GLRA1: variants seen among roughly 807,000 people sequenced by gnomAD.
GLRA1 encodes the protein glycine receptor subunit alpha-1.
Under a neutral mutation model 48.3 loss-of-function variants are expected in GLRA1, and 37 were observed. That is an observed-to-expected ratio of 0.77 (90% CI 0.59 to 1.01). GLRA1 has a LOEUF of 1.01. Ranked by LOEUF, GLRA1 falls within the 50% of genes least tolerant of loss-of-function variation. The pLI is 0.00. For synonymous variants in GLRA1, 196 were observed against 210.7 expected, an observed-to-expected ratio of 0.93 and a Z score of 0.60; for missense variants, 427 against 571.0, an observed-to-expected ratio of 0.75 and a Z score of 2.57.
chr5:151,857,064 C>G (rs971863048), intron 4 of GLRA1, among the ~76,000 whole-genome samples: 5 of 152,100 alleles, frequency 3.3e-5, no homozygotes, highest in African/African-American at 1.2e-4. Context: ...TCCAGGCTCC[C>G]AAAGGCCTTG....
chr5:151,827,032 T>C (rs1763290937), intron 8 of GLRA1, among the ~76,000 whole-genome samples: 1 of 146,634 alleles, frequency 6.8e-6, no homozygotes, highest in Non-Finnish European at 1.5e-5. Flanking sequence ...TCTTTCTGTT[T>C]TTTTTTTTTT....
intron 1 of GLRA1, among the ~76,000 whole-genome samples, chr5:151,907,271 T>C (rs1754497002): frequency 6.6e-6 from 1 of 152,210 alleles, no homozygotes; most frequent in Non-Finnish European, 1.5e-5. Flanking sequence ...AAAAATTATC[T>C]ATAATCTTTC....
intron 4 of GLRA1, among the ~76,000 whole-genome samples, chr5:151,857,875 C>CA (rs1325683214): frequency 1.3e-5 from 2 of 152,240 alleles, no homozygotes; most frequent in African/African-American, 4.8e-5. Context: ...ATCATCAAGG[C>CA]AACTCCCTCA....
intron 7 of GLRA1, among the ~76,000 whole-genome samples, chr5:151,837,694 G>C (rs554158604): frequency 6.6e-6 from 1 of 152,254 alleles, no homozygotes; most frequent in Admixed American, 6.5e-5. Flanking sequence ...ATTATTCTCG[G>C]CAAACTAACA....
intron 3 of GLRA1, 71 bp from the exon 4 acceptor site, chr5:151,860,079 G>T: frequency 8.5e-7 from 1 of 1,169,996 alleles, no homozygotes; most frequent in Non-Finnish European, 1.3e-6. Context: ...GGACCTGGGT[G>T]CTTTTGGCCA....
intron 1 of GLRA1, among the ~76,000 whole-genome samples, chr5:151,910,176 G>A (rs1754574653): frequency 6.6e-6 from 1 of 152,184 alleles, no homozygotes; most frequent in South Asian, 2.1e-4. Context: ...AATCAAGACG[G>A]CACTGGTTTG....
intron 3 of GLRA1, among the ~76,000 whole-genome samples, chr5:151,860,325 A>C (rs1010983636): frequency 6.6e-6 from 1 of 152,232 alleles, no homozygotes; most frequent in Admixed American, 6.5e-5. Flanking sequence ...ACTTGTTTTC[A>C]TCATCCTGTT....
chr5:151,860,628 C>G (rs988082516), intron 3 of GLRA1, among the ~76,000 whole-genome samples: 2 of 152,186 alleles, frequency 1.3e-5, no homozygotes, highest in African/African-American at 4.8e-5. Context: ...TCATCCCATT[C>G]GCTTTTAATA....
chr5:151,911,986 C>T (rs1754624902), intron 1 of GLRA1, among the ~76,000 whole-genome samples: 1 of 152,164 alleles, frequency 6.6e-6, no homozygotes. Flanking sequence ...CTGGAATGAC[C>T]TGTAGTCTTT....
intron 1 of GLRA1, among the ~76,000 whole-genome samples, chr5:151,913,628 A>G (rs1452470001): frequency 6.6e-6 from 1 of 152,200 alleles, no homozygotes; most frequent in Non-Finnish European, 1.5e-5. Flanking sequence ...CTGAGTGATA[A>G]AAGAGAAGTT....
At chr5:151,874,662 A>G (rs1188731504) in intron 3 of GLRA1, among the ~76,000 whole-genome samples, 1 of 152,138 alleles carries the variant, frequency 6.6e-6, no homozygotes, top group African/African-American at 2.4e-5. Flanking sequence ...CTCTGAGGAT[A>G]ATAGAACATG....
chr5:151,823,003 C>T, intron 8 of GLRA1, 40 bp from the exon 9 acceptor site: 56 of 1,549,074 alleles, frequency 3.6e-5, no homozygotes, highest in Non-Finnish European at 4.9e-5. Context: ...TAAAATAAGA[C>T]AGGGGCTAGG....
Position 151,822,932 on chromosome 5 carries a change from A to G in GLRA1, c.1091T>C (p.Phe364Ser), listed in dbSNP as rs1156597209. 6.2e-7 allele frequency: 1 copy of G among 1,610,424 alleles called. No homozygotes were observed. The highest frequency in any genetic ancestry group is 1.7e-5 in the Admixed American group (1 of 59,794). Residue 364 changes from phenylalanine (F) to serine (S), a missense_variant, in exon 9 of 9, where the codon TTC becomes TCC. Coordinates refer to ENST00000274576, the MANE Select transcript of GLRA1 (RefSeq NM_000171.4). ...GGCTGGGCCCATCCCATAGGCAGAGAAGTTAAAGCGGCCTTCTCCAGCTTC... is the reference window on the plus strand; with the variant it reads ...GGCTGGGCCCATCCCATAGGCAGAGGAGTTAAAGCGGCCTTCTCCAGCTTC... Reference protein sequence around the residue: ...EDEAGEGRFNFSAYGMGPACL... With the variant: ...EDEAGEGRFNSSAYGMGPACL...
chr5:151,885,476 G>A (rs886774703), intron 3 of GLRA1, among the ~76,000 whole-genome samples: 3 of 152,234 alleles, frequency 2.0e-5, no homozygotes, highest in Admixed American at 6.5e-5. Context: ...AAGGGCACAC[G>A]TGAACTCACA....
At chr5:151,873,883 C>T (rs13436419) in intron 3 of GLRA1, among the ~76,000 whole-genome samples, 3,127 of 152,104 alleles carry the variant, frequency 0.021, 101 homozygotes, top group African/African-American at 0.071. Flanking sequence ...GGGTATATTG[C>T]GTAATGCTGG....
intron 3 of GLRA1, among the ~76,000 whole-genome samples, chr5:151,862,378 C>CA (rs1753229775): frequency 6.6e-6 from 1 of 152,200 alleles, no homozygotes; most frequent in South Asian, 2.1e-4. Context: ...TGGTCAAGGA[C>CA]TTCATGTCTA....
At position 151,822,758 on chromosome 5, in the gene GLRA1, C is replaced by T. The variant is rs2113276466; in HGVS notation, c.1265G>A (p.Gly422Asp). ...GAAAATGAGGAAGGCCATGGGGAAG[C>T]CAATGCGGGATATTTTGTCGATCTT... ...AKKIDKISRI[G>D]FPMAFLIFNM... Residue 422 changes from glycine to aspartate, a missense_variant, in exon 9 of 9, where the codon GGC becomes GAC. Gly to Asp is a moderately conservative substitution (Grantham distance 94). Around this residue, in one of 4 missense-constraint regions of GLRA1, gnomAD observed 121 missense variants for 96.5 expected, o/e 1.25. Coordinates refer to ENST00000274576, the MANE Select transcript of GLRA1 (RefSeq NM_000171.4). 1 of 1,613,822 alleles carries T rather than the reference C, an allele frequency of 6.2e-7. No individual in the cohort carries two copies. The highest frequency in any genetic ancestry group is 8.5e-7 in the Non-Finnish European group (1 of 1,179,798).
intron 3 of GLRA1, among the ~76,000 whole-genome samples, chr5:151,870,743 G>A (rs1199997417): frequency 6.7e-6 from 1 of 149,672 alleles, no homozygotes; most frequent in East Asian, 1.9e-4. Context: ...TCTGTGTGGT[G>A]ACGCAAGGAT....
intron 1 of GLRA1, among the ~76,000 whole-genome samples, chr5:151,893,877 T>C (rs1754163364): frequency 6.6e-6 from 1 of 152,224 alleles, no homozygotes; most frequent in African/African-American, 2.4e-5. Context: ...ATATATTCAG[T>C]AATGGGATTG....
Sources: allele counts gnomAD v4.1 joint callset (sites outside exome capture counted in the v4.1 genomes callset), GRCh38; gene constraint gnomAD v4.1.1; regional missense constraint gnomAD v4.1.1; transcripts MANE v1.5; gene names NCBI Gene and HGNC (gene_info 2026-07-23, HGNC 2026-07-21).